The following CIMIP2C variants were observed in gnomAD, a reference collection of about 807,000 sequenced individuals.
CIMIP2C encodes the protein UPF0573 protein C2orf70.
At chr2:26,573,094 T>A in the CIMIP2C span, among the ~76,000 whole-genome samples, 1 of 152,228 alleles carries the variant, frequency 6.6e-6, no homozygotes, top group East Asian at 1.9e-4. Context: ...GACATTGGAT[T>A]TGGCAACAGC....
chr2:26,568,849 C>T, the CIMIP2C span, among the ~76,000 whole-genome samples: 1 of 152,002 alleles, frequency 6.6e-6, no homozygotes, highest in Middle Eastern at 3.4e-3. Context: ...GGCAAAACCC[C>T]GTCTCTACTA....
chr2:26,567,628 C>G, the CIMIP2C span, among the ~76,000 whole-genome samples: 12 of 152,332 alleles, frequency 7.9e-5, no homozygotes, highest in South Asian at 2.5e-3. Flanking sequence ...AAAGCCCCTT[C>G]CACTTCAACC....
the CIMIP2C span, chr2:26,576,265 A>C: frequency 1.4e-6 from 2 of 1,400,142 alleles, no homozygotes. Context: ...CCAGGGGGAG[A>C]CCTCGCACCT....
At chr2:26,577,209 C>T in the CIMIP2C span, among the ~76,000 whole-genome samples, 93 of 152,300 alleles carry the variant, frequency 6.1e-4, no homozygotes, top group African/African-American at 1.9e-3. Flanking sequence ...AGCAGGTGTG[C>T]GTACGCCTGC....
At chr2:26,576,210 C>T in the CIMIP2C span, 4 of 1,580,538 alleles carry the variant, frequency 2.5e-6, no homozygotes, top group Non-Finnish European at 3.4e-6. Context: ...GGCCTCCCCT[C>T]CTGCCCACCT....
chr2:26,577,663 A>G, the CIMIP2C span: 1 of 1,527,932 alleles, frequency 6.5e-7, no homozygotes, highest in Non-Finnish European at 9.0e-7. Context: ...TACGCAGTCA[A>G]GAAACGCACC....
chr2:26,576,262 G>A, the CIMIP2C span: 2 of 1,444,228 alleles, frequency 1.4e-6, no homozygotes, highest in Admixed American at 3.9e-5. Flanking sequence ...GGGCCAGGGG[G>A]AGACCTCGCA....
chr2:26,577,975 T>A, the CIMIP2C span: 3,191 of 294,292 alleles, frequency 0.011, 112 homozygotes, highest in African/African-American at 0.066. Flanking sequence ...TGGGCGCCGA[T>A]GCAGAGCGCA....
At chr2:26,575,951 G>A in the CIMIP2C span, 63 of 1,613,600 alleles carry the variant, frequency 3.9e-5, no homozygotes, top group Admixed American at 4.0e-4. Flanking sequence ...CGCTCCCTAC[G>A]GCACCACCAC....
the CIMIP2C span, among the ~76,000 whole-genome samples, chr2:26,570,824 G>A: frequency 2.6e-5 from 4 of 152,158 alleles, no homozygotes; most frequent in African/African-American, 2.4e-5. Context: ...AGACCAGGGA[G>A]GAGATTGGAG....
chr2:26,577,592 T>A, the CIMIP2C span: 3 of 1,614,078 alleles, frequency 1.9e-6, no homozygotes, highest in Non-Finnish European at 2.5e-6. Flanking sequence ...GCGATGCCCG[T>A]GAGGGAGCCG....
At chr2:26,566,609 A>G in the CIMIP2C span, among the ~76,000 whole-genome samples, 1 of 152,246 alleles carries the variant, frequency 6.6e-6, no homozygotes, top group African/African-American at 2.4e-5. Flanking sequence ...ACCATTATAT[A>G]ACATTTCCAC....
the CIMIP2C span, among the ~76,000 whole-genome samples, chr2:26,575,209 C>T: frequency 6.6e-6 from 1 of 152,202 alleles, no homozygotes. Context: ...AGTCAGCTCT[C>T]CAGGCTGTCT....
At chr2:26,571,873 A>T in the CIMIP2C span, among the ~76,000 whole-genome samples, 27 of 152,344 alleles carry the variant, frequency 1.8e-4, no homozygotes, top group African/African-American at 6.3e-4. Context: ...ATAAAAATAT[A>T]ATCATACCAT....
At chr2:26,564,052 G>A in the CIMIP2C span, among the ~76,000 whole-genome samples, 1 of 152,180 alleles carries the variant, frequency 6.6e-6, no homozygotes, top group Non-Finnish European at 1.5e-5. Context: ...CATGCCAGGT[G>A]TTATGTTAGG....
At chr2:26,577,925 C>G in the CIMIP2C span, 1 of 398,028 alleles carries the variant, frequency 2.5e-6, no homozygotes, top group South Asian at 3.3e-5. Flanking sequence ...ACTGATGCCC[C>G]GCCTGCAAAG....
the CIMIP2C span, chr2:26,579,279 C>T: frequency 6.2e-7 from 1 of 1,613,192 alleles, no homozygotes; most frequent in Non-Finnish European, 8.5e-7. Context: ...ACACCAGTCC[C>T]ATCCTCACCC....
chr2:26,563,292 C>T, the CIMIP2C span, among the ~76,000 whole-genome samples: 2 of 152,236 alleles, frequency 1.3e-5, no homozygotes, highest in East Asian at 1.9e-4. Context: ...GCTTCCTGGC[C>T]ACTTGCCCTG....
chr2:26,575,679 T>C, the CIMIP2C span, among the ~76,000 whole-genome samples: 1 of 152,192 alleles, frequency 6.6e-6, no homozygotes, highest in Non-Finnish European at 1.5e-5. Context: ...ATCTTTTTTT[T>C]TCTTAATTGT....
Sources: gnomAD v4.1 joint callset for allele counts (sites outside exome capture counted in the v4.1 genomes callset) on GRCh38, gnomAD v4.1.1 for gene constraint, MANE v1.5 for transcripts, NCBI Gene and HGNC (gene_info 2026-07-23, HGNC 2026-07-21) for gene names.